Variants in TRIM37 observed in about 807,000 individuals in gnomAD.
TRIM37 encodes the protein E3 ubiquitin-protein ligase TRIM37.
A neutral mutation model predicts 129.8 loss-of-function variants in TRIM37; 80 were observed. The ratio of observed to expected loss-of-function variants is 0.62; its 90% CI spans 0.51 to 0.74. The LOEUF (loss-of-function observed/expected upper bound fraction) is 0.74, where lower values mean the gene tolerates loss of function less well. Ranked by LOEUF, TRIM37 falls within the 30% of genes least tolerant of loss-of-function variation. TRIM37 has a pLI of 0.00. For synonymous variants in TRIM37, 389 were observed against 387.1 expected, an observed-to-expected ratio of 1.00 and a Z score of -0.06; for missense variants, 1,054 against 1,176.5, an observed-to-expected ratio of 0.90 and a Z score of 1.52.
chr17:58,981,555 A>G (rs2031356212), downstream of TRIM37: 1 of 152,794 alleles, frequency 6.5e-6, no homozygotes, highest in African/African-American at 2.4e-5. Flanking sequence ...TAAAAGCCAT[A>G]TGGATTTTAA....
rs11868727 is a variant in TRIM37, at chr17:59,056,875, C to T, written c.1199G>A (p.Arg400Lys). 2 of 1,613,154 alleles carry T rather than the reference C, an allele frequency of 1.2e-6. No individual in the cohort carries two copies. The highest frequency in any genetic ancestry group is 1.7e-6 in the Non-Finnish European group (2 of 1,179,660). Residue 400 changes from arginine to lysine, a missense_variant and splice_region_variant, in exon 13 of 24, where the codon AGG becomes AAG. Coordinates refer to ENST00000262294, the MANE Select transcript of TRIM37 (RefSeq NM_015294.6). The stretch of plus-strand genomic sequence containing the variant: ...CACAACATCAAATTTTTCCTGTTAC[C>T]TTAAAATCACTGTATCATTTTGTGG... ...LNPQNDTVIL[R>K]FQVRSPTFFQ...
At chr17:59,074,501 G>T (rs562732748) in intron 8 of TRIM37, among the ~76,000 whole-genome samples, 1 of 152,282 alleles carries the variant, frequency 6.6e-6, no homozygotes, top group East Asian at 1.9e-4. Flanking sequence ...AAGCCAAATT[G>T]TCAATCAAGT....
intron 19 of TRIM37, among the ~76,000 whole-genome samples, chr17:59,026,824 T>C (rs931698413): frequency 6.6e-6 from 1 of 152,224 alleles, no homozygotes; most frequent in African/African-American, 2.4e-5. Flanking sequence ...CCTTGACACT[T>C]CTCAGTGATA....
Position 59,032,045 on chromosome 17 carries a change from C to G in TRIM37, c.1799G>C (p.Arg600Thr), listed in dbSNP as rs756353741. 2.7e-5 allele frequency: 43 copies of G among 1,613,978 alleles called. No homozygotes were observed. In the South Asian group the frequency reaches 4.4e-4, roughly 16 times the overall value. Residue 600 changes from arginine (R) to threonine (T), a missense_variant, in exon 18 of 24, where the codon AGA becomes ACA. Coordinates refer to ENST00000262294, the MANE Select transcript of TRIM37 (RefSeq NM_015294.6). ...GGTAGCAGCGGAGCATAAATGTGTT[C>G]TTCTTGATATTCTACTACTGGAACC... ...YVGSSSRISRRTHLCSAATSS... is the reference protein window; with the variant it reads ...YVGSSSRISRTTHLCSAATSS...
the TRIM37 span, chr17:58,973,074 A>G: frequency 1.7e-6 from 1 of 586,698 alleles, no homozygotes. Context: ...CGTCTCTTTT[A>G]ATTGTTTGAT....
chr17:59,028,430 A>C lies in TRIM37; in HGVS notation c.2242T>G (p.Cys748Gly). The change falls in exon 19 of 24, where the codon TGT becomes GGT. Residue 748 changes from cysteine (C) to glycine (G), a missense_variant. By Grantham distance (159) the Cys-to-Gly change is radical. This residue lies in a region of TRIM37 where 287 missense variants were observed against 274.3 expected (regional missense o/e 1.05). Transcript: ENST00000262294. Reference protein sequence around the residue: ...ELLAKSSVANCYIRNSTNKKS... With the variant: ...ELLAKSSVANGYIRNSTNKKS... ...TATTACTTACAGTTTCGTATGTAAC[A>C]ATTGGCAACTGATGACTTTGCCAGG... 6.2e-7 allele frequency: 1 copy of C among 1,613,038 alleles called. No homozygotes were observed. Among genetic ancestry groups the C allele is most frequent in the Non-Finnish European group, 8.5e-7 (1 of 1,180,026 alleles).
Position 59,049,392 on chromosome 17 carries a change from C to A in TRIM37, c.1316G>T (p.Arg439Ile). The A allele has an allele frequency of 6.2e-7, 1 of 1,613,704 alleles. No individual in the cohort carries two copies. Among genetic ancestry groups the A allele is most frequent in the Non-Finnish European group, 8.5e-7 (1 of 1,179,874 alleles). Residue 439 changes from arginine (R) to isoleucine (I), a missense_variant and splice_region_variant, in exon 15 of 24, where the codon AGA becomes ATA. Arg to Ile is a moderately conservative substitution (Grantham distance 97, BLOSUM62 -3). Transcript: ENST00000262294. ...AGTTCGAGACAGCTCAATAGTAAGT[C>A]TCTTTTAAAACAAGAAAAGCACAAA... ...YIQQINNLKE[R>I]LTIELSRTQK... is the part of the protein sequence containing the mutation.
chr17:59,080,825 T>C (rs2147043413), intron 6 of TRIM37, among the ~76,000 whole-genome samples: 1 of 152,232 alleles, frequency 6.6e-6, no homozygotes, highest in South Asian at 2.1e-4. Context: ...TTATTGACTC[T>C]GTAACAAACA....
intron 24 of TRIM37, among the ~76,000 whole-genome samples, chr17:58,991,394 C>T (rs897079863): frequency 6.0e-5 from 9 of 150,610 alleles, no homozygotes; most frequent in Admixed American, 4.0e-4. Flanking sequence ...AAATTAGCTG[C>T]GCGTGGTGGC....
Position 59,016,254 on chromosome 17 carries a change from C to G in TRIM37, c.2387-455G>C, listed in dbSNP as rs147932546. Among the ~76,000 whole-genome samples the G allele has an allele frequency of 2.1e-3, 321 of 151,168 alleles. 11 individuals carry two copies. The East Asian group carries it at 0.057, about 27-fold the overall frequency. ...ACTACAAATACAAAAATTAGCCAGG[C>G]GTGGTGGCGTGCACTTGTAGTCCCA... On this transcript the variant is annotated intron_variant, in intron 20 of 23. Transcript: ENST00000262294.
chr17:59,025,248 A>G (rs978487704), intron 19 of TRIM37, among the ~76,000 whole-genome samples: 3 of 152,166 alleles, frequency 2.0e-5, no homozygotes, highest in Non-Finnish European at 4.4e-5. Context: ...CTTTATATGA[A>G]TTAATGACCT....
At chr17:59,075,764 G>C (rs750151792) in intron 7 of TRIM37, 50 bp from the exon 8 acceptor site, 2 of 1,354,782 alleles carry the variant, frequency 1.5e-6, no homozygotes, top group African/African-American at 2.9e-5. Flanking sequence ...ATTGGTTTAA[G>C]AATGAAATTA....
intron 12 of TRIM37, among the ~76,000 whole-genome samples, chr17:59,057,419 G>C (rs2041051812): frequency 6.6e-6 from 1 of 152,184 alleles, no homozygotes; most frequent in South Asian, 2.1e-4. Context: ...TGTTGGCCAG[G>C]CTGGTCTTGA....
chr17:59,062,460 A>AT, intron 11 of TRIM37, 107 bp downstream of exon 11: 1 of 905,424 alleles, frequency 1.1e-6, no homozygotes, highest in Non-Finnish European at 1.8e-6. Context: ...AGCATATGTA[A>AT]CAAAAAAAAG....
In TRIM37 at chr17:59,017,486, T is replaced by C. The variant is rs4932692; in HGVS notation, c.2258-62A>G. ...CTACAGCACAAAACTCACTATTTAG[T>C]CTGTCAGAAAAAGTTTTAATCTTAC... On this transcript the variant is annotated intron_variant, in intron 19 of 23. Transcript: ENST00000262294. The C allele has an allele frequency of 0.02, 32,601 of 1,611,932 alleles. 856 individuals carry two copies. Among genetic ancestry groups the C allele is most frequent in the Admixed American group, 0.12 (7,446 of 59,948 alleles).
chr17:59,009,983 T>C (rs568343188), intron 22 of TRIM37, among the ~76,000 whole-genome samples: 9 of 152,332 alleles, frequency 5.9e-5, no homozygotes, highest in African/African-American at 2.2e-4. Context: ...CATCGTCCTA[T>C]ATTACAACTG....
Position 59,042,444 on chromosome 17 carries a change from AAAAAAATATATAT to A in TRIM37, c.1668-559_1668-547del, listed in dbSNP as rs1180096541. ...AAAAAAGGAATTTAAAAAAAAAAAA[AAAAAAATATATAT>A]ATATATATATATATATATCTCAAGG... On this transcript the variant is annotated intron_variant, in intron 16 of 23. Coordinates refer to ENST00000262294, the MANE Select transcript of TRIM37 (RefSeq NM_015294.6). 2.6e-3 allele frequency among the ~76,000 whole-genome samples: 111 copies of A among 43,100 alleles called. 2 individuals carry two copies. Among genetic ancestry groups the A allele is most frequent in the South Asian group, 0.013 (14 of 1,116 alleles). The allele number at this position is 43,100 out of a possible 152,430, so 28.3% of individuals were successfully genotyped here. A position where few individuals can be genotyped will look rare whatever the true frequency, so the allele number is the denominator to read the frequency against.
the TRIM37 span, among the ~76,000 whole-genome samples, chr17:58,967,698 A>G: frequency 6.6e-6 from 1 of 151,790 alleles, no homozygotes; most frequent in Non-Finnish European, 1.5e-5. Flanking sequence ...TTTTTAAGAA[A>G]TCCACTTAGC....
At chr17:59,001,874 C>T in intron 22 of TRIM37, 160 bp from the exon 23 acceptor site, 1 of 1,014,338 alleles carries the variant, frequency 9.9e-7, no homozygotes, top group Non-Finnish European at 1.4e-6. Flanking sequence ...ACAAAAGTAA[C>T]CGCACAAACC....
Sources: gnomAD v4.1 joint callset for allele counts (sites outside exome capture counted in the v4.1 genomes callset) on GRCh38, gnomAD v4.1.1 for gene constraint, gnomAD v4.1.1 regional missense constraint, MANE v1.5 for transcripts, NCBI Gene and HGNC (gene_info 2026-07-23, HGNC 2026-07-21) for gene names.